BAZ2B: variants seen among roughly 807,000 people sequenced by gnomAD.
The protein encoded by BAZ2B is bromodomain adjacent to zinc finger domain 2B, also known as bromodomain adjacent to zinc finger domain protein 2B.
In BAZ2B, 91 loss-of-function variants were observed where a neutral mutation model predicts 246.0. The ratio of observed to expected loss-of-function variants is 0.37; its 90% confidence interval spans 0.31 to 0.44. The LOEUF (loss-of-function observed/expected upper bound fraction) is 0.44, where lower values mean the gene tolerates loss of function less well. BAZ2B is among the 20% of genes least tolerant of loss of function. The pLI is 1.00. For synonymous variants in BAZ2B, 855 were observed against 860.0 expected (o/e 0.99, Z 0.10); for missense variants, 2,332 against 2,533.7 (o/e 0.92, Z 1.71).
chr2:159,587,388 T>G (rs1407411521), intron 1 of BAZ2B, among the ~76,000 whole-genome samples: 1 of 152,150 alleles, frequency 6.6e-6, no homozygotes, highest in Admixed American at 6.5e-5. Context: ...CGCAACTTTC[T>G]TAATTGCCTA....
rs771667454 is a variant in BAZ2B at position 159,389,425 on chromosome 2, G to C, written c.3136C>G (p.Leu1046Val). Residue 1046 changes from leucine to valine, a missense_variant, in exon 21 of 37, where the codon CTA becomes GTA. Leu to Val is a conservative substitution (Grantham distance 32, BLOSUM62 1). Coordinates refer to ENST00000392783, the MANE Select transcript of BAZ2B (RefSeq NM_013450.4). ...DEKRLNKERK[L>V]EQRRLELEMA... ...TCTAATTCTAATCTTCGCTGCTCTA[G>C]TTTACGCTCTTTATTTAATCTTTTC... is the stretch of plus-strand genomic sequence containing the variant. The C allele has an allele frequency of 1.2e-6, 2 of 1,611,410 alleles. No homozygotes were observed. Among genetic ancestry groups the C allele is most frequent in the Admixed American group, 1.7e-5 (1 of 59,702 alleles).
intron 14 of BAZ2B, among the ~76,000 whole-genome samples, chr2:159,406,953 ACCGTGTTAGACAGGATGGT>A (rs566984197): frequency 6.6e-6 from 1 of 151,628 alleles, no homozygotes; most frequent in East Asian, 2.0e-4. Context: ...ACGGGGTTTC[ACCGTGTTAGACAGGATGGT>A]CTCGATCTCC....
At chr2:159,438,782 C>T in intron 7 of BAZ2B, 87 bp from the exon 8 acceptor site, 3 of 1,436,088 alleles carry the variant, frequency 2.1e-6, no homozygotes, top group African/African-American at 2.9e-5. Context: ...AAAACGGGTA[C>T]TTTCAAAGTG....
At chr2:159,687,038 T>A in the BAZ2B span, among the ~76,000 whole-genome samples, 4 of 17,940 alleles carry the variant, frequency 2.2e-4, no homozygotes, top group Admixed American at 2.1e-3. Context: ...CGAGACTCCA[T>A]CTCAAAAAAA....
rs1420855206 is a variant in BAZ2B at position 159,333,765 on chromosome 2, C to T, written c.5797-1079G>A. 4.6e-5 allele frequency among the ~76,000 whole-genome samples: 7 copies of T among 152,116 alleles called. No individual in the cohort carries two copies. The East Asian group carries it at 1.3e-3, about 29-fold the overall frequency. The stretch of plus-strand genomic sequence containing the variant: ...TTAGTCTGGGAAAGTCTAAAATGGT[C>T]TTCTTATAACTTAGTATGTATACCA... On this transcript the variant is annotated intron_variant, in intron 33 of 36. Transcript: ENST00000392783.
chr2:159,490,279 C>G (rs2080301123), intron 2 of BAZ2B, among the ~76,000 whole-genome samples: 2 of 152,040 alleles, frequency 1.3e-5, no homozygotes, highest in South Asian at 4.1e-4. Flanking sequence ...CCTTGTTACA[C>G]TTTTCAATCC....
intron 2 of BAZ2B, among the ~76,000 whole-genome samples, chr2:159,545,453 T>A (rs1039063558): frequency 7.9e-5 from 12 of 152,218 alleles, no homozygotes; most frequent in Non-Finnish European, 1.5e-4. Context: ...CTAGGAGATA[T>A]TTAATTTCAA....
At chr2:159,473,789 T>G (rs186671121) in intron 3 of BAZ2B, among the ~76,000 whole-genome samples, 1 of 152,326 alleles carries the variant, frequency 6.6e-6, no homozygotes, top group Admixed American at 6.5e-5. Flanking sequence ...TCAAGGAACA[T>G]CTTTATTTCT....
At chr2:159,366,860 A>C (rs1211435252) in intron 27 of BAZ2B, among the ~76,000 whole-genome samples, 1 of 151,984 alleles carries the variant, frequency 6.6e-6, no homozygotes, top group Non-Finnish European at 1.5e-5. Flanking sequence ...TTAAAATCTA[A>C]TTGCTTTCTA....
chr2:159,389,481 T>C lies in BAZ2B; in HGVS notation c.3080A>G (p.Lys1027Arg), dbSNP rs374100542. 5 of 1,599,726 alleles carry C rather than the reference T, an allele frequency of 3.1e-6. No individual in the cohort carries two copies. Among genetic ancestry groups the C allele is most frequent in the Non-Finnish European group, 4.3e-6 (5 of 1,174,966 alleles). ...AMEARKKAEEKERLKQEKRDE... is the reference protein window; with the variant it reads ...AMEARKKAEERERLKQEKRDE... ...ACGTTTTTCTTGTTTCAACCGCTCT[T>C]TTTCCTTAAAAAGAAAACCATGTAC... Residue 1027 changes from lysine to arginine, a missense_variant, in exon 21 of 37, where the codon AAA (lysine) becomes AGA (arginine). Transcript: ENST00000392783.
chr2:159,667,579 G>A, the BAZ2B span, among the ~76,000 whole-genome samples: 4 of 150,904 alleles, frequency 2.7e-5, no homozygotes, highest in African/African-American at 9.8e-5. Flanking sequence ...CTGGGTGACA[G>A]AGTGTGACTC....
chr2:159,338,751 T>C (rs1363563010), intron 31 of BAZ2B, among the ~76,000 whole-genome samples: 1 of 152,216 alleles, frequency 6.6e-6, no homozygotes, highest in Non-Finnish European at 1.5e-5. Context: ...TCCCACTTCC[T>C]GGGATGATAT....
At chr2:159,325,092 T>TTATATATATATATATATATTATATA (rs2063410718) in intron 35 of BAZ2B, 138 bp from the exon 36 acceptor site, 1 of 2,432 alleles carries the variant, frequency 4.1e-4, no homozygotes, top group African/African-American at 8.3e-4. Context: ...TATATATATA[T>TTATATATATATATATATATTATATA]TATATATATA....
the BAZ2B span, among the ~76,000 whole-genome samples, chr2:159,682,716 C>T: frequency 6.6e-6 from 1 of 152,192 alleles, no homozygotes; most frequent in Non-Finnish European, 1.5e-5. Flanking sequence ...AACGAGAAGA[C>T]AGAACAGTTC....
the BAZ2B span, among the ~76,000 whole-genome samples, chr2:159,692,981 A>G: frequency 2.0e-5 from 3 of 151,904 alleles, no homozygotes; most frequent in Non-Finnish European, 4.4e-5. Flanking sequence ...TTAATTTTCA[A>G]ATTTTTTTGT....
chr2:159,522,025 T>C (rs2084190836), intron 2 of BAZ2B, among the ~76,000 whole-genome samples: 2 of 152,078 alleles, frequency 1.3e-5, no homozygotes. Flanking sequence ...GTAGGGCTAA[T>C]ATAATCATTA....
At chr2:159,551,971 G>C (rs1260352985) in intron 2 of BAZ2B, among the ~76,000 whole-genome samples, 1 of 152,108 alleles carries the variant, frequency 6.6e-6, no homozygotes, top group Non-Finnish European at 1.5e-5. Context: ...CTTAGACTAA[G>C]AAACTGACTC....
intron 1 of BAZ2B, among the ~76,000 whole-genome samples, chr2:159,584,009 G>A (rs1269631235): frequency 6.6e-6 from 1 of 152,066 alleles, no homozygotes; most frequent in African/African-American, 2.4e-5. Flanking sequence ...ATAGGGGAGA[G>A]GTAAAATGCT....
chr2:159,352,756 G>A (rs1332030879), intron 27 of BAZ2B, among the ~76,000 whole-genome samples: 1 of 152,134 alleles, frequency 6.6e-6, no homozygotes. Context: ...TGAGCTTTGG[G>A]ATTACAGGCA....
Sources: allele counts gnomAD v4.1 joint callset (sites outside exome capture counted in the v4.1 genomes callset), GRCh38; gene constraint gnomAD v4.1.1; transcripts MANE v1.5; gene names NCBI Gene and HGNC (gene_info 2026-07-23, HGNC 2026-07-21).